The following GGTA1 variants were observed in gnomAD, a reference collection of about 807,000 sequenced individuals.
GGTA1 encodes the protein inactive N-acetyllactosaminide alpha-1,3-galactosyltransferase.
Under a neutral mutation model 2.6 loss-of-function variants are expected in GGTA1, and 5 were observed. The ratio of observed to expected loss-of-function variants is 1.92; its 90% CI spans 1.00 to 4.04. The LOEUF (loss-of-function observed/expected upper bound fraction) is 4.04. Ranked by LOEUF, GGTA1 falls within the 30% of genes most tolerant of loss-of-function variation. The pLI, the probability that GGTA1 is intolerant of heterozygous loss-of-function variation, is 0.00. For synonymous variants in GGTA1, 17 were observed against 5.0 expected, an observed-to-expected ratio of 3.38 and a Z score of -3.19; for missense variants, 50 against 16.7, an observed-to-expected ratio of 2.99 and a Z score of -3.47.
downstream of GGTA1, among the ~76,000 whole-genome samples, chr9:121,453,234 A>G (rs903888835): frequency 2.0e-5 from 3 of 152,256 alleles, no homozygotes; most frequent in Non-Finnish European, 2.9e-5. Flanking sequence ...CAAGGCCAAG[A>G]CTGGAGCCTA....
In GGTA1 at chr9:121,467,828, A is replaced by G. The variant is rs1455177325; in HGVS notation, c.80+15T>C. On this transcript the variant is annotated intron_variant, in intron 2 of 5. Transcript: ENST00000481799. ...GTATTTTCATCCACATCACTTCATC[A>G]TGTTTCATAATTACCTGTTGATAAA... 2.2e-6 allele frequency: 1 copy of G among 455,358 alleles called. No homozygotes were observed. Among genetic ancestry groups the G allele is most frequent in the Non-Finnish European group, 4.4e-6 (1 of 226,612 alleles). 28.2% of individuals were successfully genotyped at this position (455,358 alleles called of 1,614,324 possible).
At chr9:121,463,616 C>T (rs894632595) in intron 2 of GGTA1, among the ~76,000 whole-genome samples, 3 of 152,150 alleles carry the variant, frequency 2.0e-5, no homozygotes, top group Non-Finnish European at 4.4e-5. Context: ...TCTCAAACTC[C>T]TGAGTCAAGA....
At chr9:121,459,445 A>G (rs2064941597) in intron 5 of GGTA1, among the ~76,000 whole-genome samples, 2 of 152,154 alleles carry the variant, frequency 1.3e-5, no homozygotes, top group African/African-American at 4.8e-5. Flanking sequence ...CAAAATGAAT[A>G]AAAATTAAAA....
intron 3 of GGTA1, among the ~76,000 whole-genome samples, chr9:121,462,181 C>T (rs1250885170): frequency 2.0e-5 from 3 of 152,136 alleles, no homozygotes; most frequent in South Asian, 2.1e-4. Flanking sequence ...AAAAATTAGC[C>T]GGGCGTGGTG....
chr9:121,495,177 C>T (rs911119892), intron 1 of GGTA1, among the ~76,000 whole-genome samples: 13 of 151,990 alleles, frequency 8.6e-5, no homozygotes, highest in African/African-American at 3.1e-4. Flanking sequence ...ACCTTGGCCT[C>T]CCCAAGTTCT....
intron 2 of GGTA1, among the ~76,000 whole-genome samples, chr9:121,466,566 C>G (rs999269230): frequency 2.6e-5 from 4 of 152,114 alleles, no homozygotes. Flanking sequence ...CTCCAGCATT[C>G]GGAGAGTTCT....
At chr9:121,496,772 G>A (rs1317795843) in intron 1 of GGTA1, among the ~76,000 whole-genome samples, 4 of 122,548 alleles carry the variant, frequency 3.3e-5, no homozygotes, top group South Asian at 2.6e-4. Flanking sequence ...AGAGAGAATC[G>A]CTTGAATGAA....
chr9:121,486,912 G>A (rs1234050103), intron 1 of GGTA1, among the ~76,000 whole-genome samples: 1 of 152,176 alleles, frequency 6.6e-6, no homozygotes, highest in Non-Finnish European at 1.5e-5. Flanking sequence ...TGCAGAAGAG[G>A]TGAGCAGAAC....
intron 2 of GGTA1, among the ~76,000 whole-genome samples, chr9:121,467,018 C>T (rs56137316): frequency 1.9e-3 from 289 of 150,724 alleles, no homozygotes; most frequent in African/African-American, 6.7e-3. Context: ...CCATCTTGAA[C>T]TTGGGGGCCA....
chr9:121,452,509 T>A (rs930842645), downstream of GGTA1, among the ~76,000 whole-genome samples: 12 of 152,096 alleles, frequency 7.9e-5, no homozygotes, highest in South Asian at 4.2e-4. Context: ...GCTATCTTTT[T>A]TTTTTATTTT....
At chr9:121,461,513 C>T (rs987128435) in intron 3 of GGTA1, among the ~76,000 whole-genome samples, 196 bp from the exon 4 acceptor site, 4 of 152,190 alleles carry the variant, frequency 2.6e-5, no homozygotes, top group Non-Finnish European at 4.4e-5. Context: ...AATCTCTCCT[C>T]CCTTGGGTAG....
In GGTA1 at chr9:121,456,820, C is replaced by T. The variant is rs561070254; in HGVS notation, c.299-979G>A. On this transcript the variant is annotated intron_variant, in intron 5 of 5. Transcript: ENST00000481799. ...CTGAGTAGCTGGGACTACAGACATGCGCCACTGCATCTAGCTAATTTTTTA... is the reference window on the plus strand; with the variant it reads ...CTGAGTAGCTGGGACTACAGACATGTGCCACTGCATCTAGCTAATTTTTTA... 5.3e-5 allele frequency among the ~76,000 whole-genome samples: 8 copies of T among 152,230 alleles called. No individual in the cohort carries two copies. The South Asian group carries it at 8.3e-4, about 16-fold the overall frequency.
downstream of GGTA1, among the ~76,000 whole-genome samples, chr9:121,452,991 G>A (rs1423629657): frequency 6.6e-6 from 1 of 152,198 alleles, no homozygotes; most frequent in Admixed American, 6.5e-5. Flanking sequence ...CCCTGTGGAT[G>A]TCATCTGAGC....
chr9:121,474,992 C>A (rs1312723250), intron 1 of GGTA1, among the ~76,000 whole-genome samples: 1 of 152,108 alleles, frequency 6.6e-6, no homozygotes, highest in South Asian at 2.1e-4. Flanking sequence ...GTGTCAGAGC[C>A]GTTTGAACCA....
intron 1 of GGTA1, among the ~76,000 whole-genome samples, chr9:121,485,105 T>G (rs1018886147): frequency 6.6e-6 from 1 of 152,218 alleles, no homozygotes; most frequent in African/African-American, 2.4e-5. Flanking sequence ...GGCTCATGAT[T>G]TGTATTCATT....
intron 1 of GGTA1, among the ~76,000 whole-genome samples, chr9:121,481,334 G>C (rs184704436): frequency 1.3e-5 from 2 of 152,140 alleles, no homozygotes; most frequent in Admixed American, 1.3e-4. Context: ...AGCACTGAGT[G>C]AAAGAAACCC....
downstream of GGTA1, among the ~76,000 whole-genome samples, chr9:121,454,681 A>G (rs1262537307): frequency 6.6e-6 from 1 of 152,002 alleles, no homozygotes; most frequent in Non-Finnish European, 1.5e-5. Context: ...TGGGGTTAAA[A>G]CCCAGGTTTG....
chr9:121,448,345 G>A (rs981168257), intron 7 of GGTA1, among the ~76,000 whole-genome samples: 1 of 152,106 alleles, frequency 6.6e-6, no homozygotes, highest in Non-Finnish European at 1.5e-5. Context: ...CCAAACAGCA[G>A]CACTCTCTTG....
intron 5 of GGTA1, among the ~76,000 whole-genome samples, chr9:121,457,460 G>A (rs1387612231): frequency 6.6e-6 from 1 of 152,134 alleles, no homozygotes; most frequent in African/African-American, 2.4e-5. Flanking sequence ...CAGCACTTTG[G>A]GAGGCTGAGG....
Sources: gnomAD v4.1 joint callset for allele counts (sites outside exome capture counted in the v4.1 genomes callset) on GRCh38, gnomAD v4.1.1 for gene constraint, MANE v1.5 for transcripts, NCBI Gene and HGNC (gene_info 2026-07-23, HGNC 2026-07-21) for gene names.